The following DEPTOR variants were observed in gnomAD, a reference collection of about 807,000 sequenced individuals.
DEPTOR encodes DEP domain containing MTOR interacting protein, also known as DEP domain-containing mTOR-interacting protein.
In DEPTOR, 41 loss-of-function variants were observed where a neutral mutation model predicts 41.6. That is an observed-to-expected ratio of 0.98 (90% CI 0.77 to 1.28). The LOEUF is 1.28. Among genes scored for constraint, DEPTOR ranks in the 50% most tolerant of loss-of-function variants. DEPTOR has a pLI of 0.00. For missense variants in DEPTOR, 514 were observed against 527.9 expected (o/e 0.97, Z 0.26); for synonymous variants, 195 against 192.3 (o/e 1.01, Z -0.12).
At chr8:120,027,006 G>T (rs1438672663) in intron 8 of DEPTOR, among the ~76,000 whole-genome samples, 1 of 152,122 alleles carries the variant, frequency 6.6e-6, no homozygotes, top group Non-Finnish European at 1.5e-5. Context: ...ATCACCTGAG[G>T]TCGGGAGTTC....
At chr8:119,913,888 G>A (rs553264439) in intron 1 of DEPTOR, among the ~76,000 whole-genome samples, 5 of 152,236 alleles carry the variant, frequency 3.3e-5, no homozygotes, top group South Asian at 2.1e-4. Flanking sequence ...ATGCCCTAGC[G>A]TCACCTCTGT....
At chr8:119,958,569 G>T (rs1293135174) in intron 3 of DEPTOR, among the ~76,000 whole-genome samples, 2 of 152,102 alleles carry the variant, frequency 1.3e-5, no homozygotes, top group Non-Finnish European at 2.9e-5. Flanking sequence ...ATCACTTGAG[G>T]TCAGGAGTTT....
At chr8:119,880,543 C>T (rs1827285847) in intron 1 of DEPTOR, among the ~76,000 whole-genome samples, 3 of 152,138 alleles carry the variant, frequency 2.0e-5, no homozygotes, top group Non-Finnish European at 2.9e-5. Flanking sequence ...AACTTTAAAA[C>T]AGAATCATGT....
At chr8:120,029,495 A>G (rs1408852644) in intron 8 of DEPTOR, among the ~76,000 whole-genome samples, 2 of 152,090 alleles carry the variant, frequency 1.3e-5, no homozygotes, top group African/African-American at 2.4e-5. Context: ...TCCTTGGTTC[A>G]AGTGATTCTC....
intron 1 of DEPTOR, among the ~76,000 whole-genome samples, chr8:119,916,621 T>C (rs1358161136): frequency 6.6e-6 from 1 of 152,222 alleles, no homozygotes; most frequent in African/African-American, 2.4e-5. Context: ...AAAGGTTCTA[T>C]CCAACTGCCC....
rs558089717 is a variant in DEPTOR, at chr8:119,982,236, G to A, written c.604+16826G>A. Among the ~76,000 whole-genome samples, 31 of 152,148 alleles carry A rather than the reference G, an allele frequency of 2.0e-4. No individual in the cohort carries two copies. In the South Asian group the frequency reaches 5.8e-3, roughly 29 times the overall value. On this transcript the variant is annotated intron_variant, in intron 4 of 8. Transcript: ENST00000286234. ...CACAGATGGAAAAATTGAGGCCTAA[G>A]GACTGAACATAACATAACTGAACAT... is the stretch of plus-strand genomic sequence containing the variant.
intron 8 of DEPTOR, among the ~76,000 whole-genome samples, chr8:120,045,189 A>G (rs921565221): frequency 1.3e-5 from 2 of 152,168 alleles, no homozygotes; most frequent in African/African-American, 2.4e-5. Flanking sequence ...GCTGCTCTGG[A>G]CAGCATGTGG....
chr8:119,989,150 G>A (rs1828867827), intron 4 of DEPTOR, among the ~76,000 whole-genome samples: 2 of 151,796 alleles, frequency 1.3e-5, no homozygotes, highest in South Asian at 4.2e-4. Flanking sequence ...TTTTATGGTG[G>A]TGAATATTTC....
At chr8:119,970,771 C>A (rs1466151515) in intron 4 of DEPTOR, among the ~76,000 whole-genome samples, 3 of 152,140 alleles carry the variant, frequency 2.0e-5, no homozygotes, top group Non-Finnish European at 4.4e-5. Context: ...GAGAAAAGGG[C>A]ACATCGGGTG....
At chr8:120,038,060 A>G (rs1172182988) in intron 8 of DEPTOR, among the ~76,000 whole-genome samples, 2 of 151,828 alleles carry the variant, frequency 1.3e-5, no homozygotes, top group Non-Finnish European at 2.9e-5. Flanking sequence ...TGAGGCCAGG[A>G]GTTCGAGACC....
chr8:119,918,003 T>C (rs1416999778), intron 1 of DEPTOR, among the ~76,000 whole-genome samples: 3 of 152,238 alleles, frequency 2.0e-5, no homozygotes, highest in Non-Finnish European at 4.4e-5. Context: ...ACTTTGTTCA[T>C]GTGTTTATCT....
chr8:119,908,143 A>G (rs569608615), intron 1 of DEPTOR, among the ~76,000 whole-genome samples: 7 of 152,180 alleles, frequency 4.6e-5, no homozygotes, highest in Non-Finnish European at 8.8e-5. Context: ...GAACAATGAG[A>G]TTTGATGAGC....
intron 1 of DEPTOR, among the ~76,000 whole-genome samples, chr8:119,901,054 A>G (rs1827583717): frequency 6.6e-6 from 1 of 152,222 alleles, no homozygotes; most frequent in Non-Finnish European, 1.5e-5. Flanking sequence ...AGGAAGACTC[A>G]GAGATTTTAA....
intron 4 of DEPTOR, among the ~76,000 whole-genome samples, chr8:119,973,775 C>A (rs1012553448): frequency 5.9e-5 from 9 of 152,168 alleles, no homozygotes; most frequent in Non-Finnish European, 7.4e-5. Flanking sequence ...AGCCCTCTTT[C>A]TTTTTCTTTT....
intron 8 of DEPTOR, among the ~76,000 whole-genome samples, chr8:120,009,453 A>C (rs527279385): frequency 2.6e-5 from 4 of 152,018 alleles, no homozygotes; most frequent in South Asian, 4.2e-4. Flanking sequence ...TCCCTACTAA[A>C]AATACAAAAA....
chr8:120,030,827 G>A (rs893144000), intron 8 of DEPTOR, among the ~76,000 whole-genome samples: 50 of 151,510 alleles, frequency 3.3e-4, no homozygotes, highest in African/African-American at 1.1e-3. Context: ...ACAGGGTCTC[G>A]CTCTGTCACC....
At chr8:119,991,758 A>G (rs1050320084) in intron 4 of DEPTOR, among the ~76,000 whole-genome samples, 2 of 152,256 alleles carry the variant, frequency 1.3e-5, no homozygotes, top group African/African-American at 4.8e-5. Flanking sequence ...TCTTTAAAAA[A>G]AAATAGCTTC....
At position 119,928,433 on chromosome 8, in the gene DEPTOR, T is replaced by A; in HGVS notation, c.156T>A (p.Asp52Glu). 1.9e-6 allele frequency: 3 copies of A among 1,614,056 alleles called. No individual in the cohort carries two copies. The highest frequency in any genetic ancestry group is 1.7e-6 in the Non-Finnish European group (2 of 1,179,962). ...TGCACGAAGAAAAGGTTATTAAAGA[T>A]AGACGTCATCATCTCAAGACCTACC... The part of the protein sequence containing the change: ...LRLHEEKVIK[D>E]RRHHLKTYPN... The change falls in exon 2 of 9, where the codon GAT becomes GAA. Residue 52 changes from aspartate (D) to glutamate (E), a missense_variant. Physicochemically the swap from Asp to Glu is conservative, Grantham distance 45 (BLOSUM62 2). Coordinates refer to ENST00000286234, the MANE Select transcript of DEPTOR (RefSeq NM_022783.4).
In DEPTOR at chr8:119,884,804, C is replaced by A. The variant is rs182582053; in HGVS notation, c.122+10836C>A. Among the ~76,000 whole-genome samples, 49 of 147,146 alleles carry A rather than the reference C, an allele frequency of 3.3e-4. No individual in the cohort carries two copies. The East Asian group carries it at 9.3e-3, about 28-fold the overall frequency. On this transcript the variant is annotated intron_variant, in intron 1 of 8. Transcript: ENST00000286234. ...GGTGGCATGATTGCAACCTCTGCTC[C>A]CAGGGTTCAAGCTCACTGCAACCTC...
Sources: gnomAD v4.1 joint callset for allele counts (sites outside exome capture counted in the v4.1 genomes callset) on GRCh38, gnomAD v4.1.1 for gene constraint, MANE v1.5 for transcripts, NCBI Gene and HGNC (gene_info 2026-07-23, HGNC 2026-07-21) for gene names.